Variants in SPTLC2 observed in about 807,000 individuals in gnomAD.
SPTLC2 encodes the protein serine palmitoyltransferase 2.
SPTLC2 carries 21 observed loss-of-function variants against 62.0 expected under a neutral mutation model. The ratio of observed to expected loss-of-function variants is 0.34; its 90% CI spans 0.24 to 0.49. The LOEUF (loss-of-function observed/expected upper bound fraction) is 0.49, where lower values mean the gene tolerates loss of function less well. Ranked by LOEUF, SPTLC2 falls within the 20% of genes least tolerant of loss-of-function variation. The pLI is 0.99. For missense variants in SPTLC2, 511 were observed against 713.0 expected, an observed-to-expected ratio of 0.72 and a Z score of 3.23; for synonymous variants, 261 against 261.8, an observed-to-expected ratio of 1.00 and a Z score of 0.03.
At chr14:77,547,160 C>T (rs949633425) in intron 9 of SPTLC2, among the ~76,000 whole-genome samples, 2 of 142,244 alleles carry the variant, frequency 1.4e-5, no homozygotes, top group East Asian at 2.1e-4. Flanking sequence ...CCATCGCACC[C>T]GGCGGAAACA....
intron 4 of SPTLC2, 79 bp downstream of exon 4, chr14:77,576,688 T>C: frequency 1.3e-6 from 2 of 1,583,632 alleles, no homozygotes; most frequent in South Asian, 2.2e-5. Context: ...TTTAATACTC[T>C]AGGTCAATAT....
chr14:77,538,723 A>G (rs571010525), intron 9 of SPTLC2, among the ~76,000 whole-genome samples: 1 of 152,224 alleles, frequency 6.6e-6, no homozygotes, highest in South Asian at 2.1e-4. Context: ...GGCATGCGTC[A>G]CCACATCTGG....
chr14:77,596,644 T>C (rs557315013), intron 2 of SPTLC2, among the ~76,000 whole-genome samples: 40 of 152,344 alleles, frequency 2.6e-4, no homozygotes, highest in African/African-American at 8.9e-4. Context: ...ACAAGAGTGT[T>C]GTTTACCGTA....
At chr14:77,611,977 C>A (rs2079940945) in intron 1 of SPTLC2, among the ~76,000 whole-genome samples, 1 of 152,094 alleles carries the variant, frequency 6.6e-6, no homozygotes, top group African/African-American at 2.4e-5. Context: ...GTCTTAAAGA[C>A]AAACTTAAGA....
chr14:77,523,395 T>C (rs1172734864), intron 9 of SPTLC2, among the ~76,000 whole-genome samples: 4 of 151,990 alleles, frequency 2.6e-5, no homozygotes, highest in African/African-American at 9.7e-5. Flanking sequence ...ACATCTGAGA[T>C]TGGAGTGGAG....
At chr14:77,598,658 G>A (rs546475179) in intron 1 of SPTLC2, among the ~76,000 whole-genome samples, 1 of 152,194 alleles carries the variant, frequency 6.6e-6, no homozygotes, top group Non-Finnish European at 1.5e-5. Flanking sequence ...CAGGCTGGGT[G>A]CAGTGGCGCA....
At chr14:77,600,104 TC>T (rs1429258417) in intron 1 of SPTLC2, among the ~76,000 whole-genome samples, 1 of 152,164 alleles carries the variant, frequency 6.6e-6, no homozygotes, top group Non-Finnish European at 1.5e-5. Context: ...TTTAAAGATA[TC>T]CGCCTTGATT....
intron 3 of SPTLC2, among the ~76,000 whole-genome samples, chr14:77,577,647 C>T (rs1231140035): frequency 6.6e-6 from 1 of 152,172 alleles, no homozygotes; most frequent in African/African-American, 2.4e-5. Context: ...CGCCTGTAAT[C>T]CCAGCACTTT....
chr14:77,589,050 A>G (rs2079800178), intron 2 of SPTLC2, among the ~76,000 whole-genome samples: 5 of 151,152 alleles, frequency 3.3e-5, no homozygotes, highest in Admixed American at 3.3e-4. Context: ...AAGAAAAGAA[A>G]AAGGGAAAAG....
chr14:77,544,165 C>T (rs548153115), intron 9 of SPTLC2, among the ~76,000 whole-genome samples: 1 of 152,214 alleles, frequency 6.6e-6, no homozygotes, highest in South Asian at 2.1e-4. Context: ...TACCACCACA[C>T]TTGGCTAATT....
intron 5 of SPTLC2, among the ~76,000 whole-genome samples, chr14:77,569,483 T>G (rs911428871): frequency 1.3e-5 from 2 of 152,004 alleles, no homozygotes; most frequent in African/African-American, 4.8e-5. Context: ...ACCACCTCAT[T>G]TTACAAAAGA....
chr14:77,525,906 T>A (rs1033657364), intron 9 of SPTLC2, among the ~76,000 whole-genome samples: 7 of 152,138 alleles, frequency 4.6e-5, no homozygotes, highest in Non-Finnish European at 1.0e-4. Flanking sequence ...AGAGACTCCA[T>A]CTCAAATAAA....
chr14:77,556,908 A>G (rs930984799), intron 7 of SPTLC2, 133 bp downstream of exon 7: 3 of 714,558 alleles, frequency 4.2e-6, no homozygotes, highest in African/African-American at 1.8e-5. Flanking sequence ...CTCTGTTTCC[A>G]GGTATTTTAG....
rs191492495 is a variant in SPTLC2 at position 77,533,534 on chromosome 14, G to A, written c.1304-11953C>T. ...TTTAAAAGGGGCGAAGCTGAGCAGG[G>A]AGTGTACACGCAAGCAGTTAGTTTC... On this transcript the variant is annotated intron_variant, in intron 9 of 11. Transcript: ENST00000216484. Among the ~76,000 whole-genome samples the A allele has an allele frequency of 5.5e-4, 83 of 152,236 alleles. 1 individual carries two copies. The highest frequency in any genetic ancestry group is 2.0e-3 in the African/African-American group (82 of 41,532).
At chr14:77,555,810 G>C (rs2079580354) in intron 7 of SPTLC2, among the ~76,000 whole-genome samples, 2 of 151,838 alleles carry the variant, frequency 1.3e-5, no homozygotes, top group South Asian at 2.1e-4. Flanking sequence ...GTAGAGATAG[G>C]GTTTCCTCAT....
At chr14:77,525,022 A>G (rs2079401836) in intron 9 of SPTLC2, among the ~76,000 whole-genome samples, 1 of 152,052 alleles carries the variant, frequency 6.6e-6, no homozygotes, top group Non-Finnish European at 1.5e-5. Flanking sequence ...CACAGAAATG[A>G]TAATGTTTGC....
Position 77,555,038 on chromosome 14 carries a change from T to G in SPTLC2, c.1176+262A>C, listed in dbSNP as rs114820869. On this transcript the variant is annotated intron_variant, in intron 8 of 11. Transcript: ENST00000216484. The stretch of plus-strand genomic sequence containing the variant: ...GGCGGGCAGGGAGCACCACTGTGTG[T>G]TCTTTCACACAAGAGGGTATTCTAT... 1.2e-3 allele frequency: 572 copies of G among 475,782 alleles called. 2 individuals carry two copies. Among genetic ancestry groups the G allele is most frequent in the African/African-American group, 1.0e-2 (508 of 51,016 alleles). 29.5% of individuals were successfully genotyped at this position (475,782 alleles called of 1,614,324 possible). A position where few individuals can be genotyped will look rare whatever the true frequency, so the allele number is the denominator to read the frequency against.
intron 1 of SPTLC2, among the ~76,000 whole-genome samples, chr14:77,597,905 C>G (rs1278501344): frequency 6.6e-6 from 1 of 151,674 alleles, no homozygotes; most frequent in African/African-American, 2.4e-5. Flanking sequence ...GGACGAATCA[C>G]CTGAGGTTGG....
At chr14:77,550,677 A>G (rs1357151235) in intron 9 of SPTLC2, among the ~76,000 whole-genome samples, 1 of 152,042 alleles carries the variant, frequency 6.6e-6, no homozygotes, top group Non-Finnish European at 1.5e-5. Context: ...CAAGGCAGGC[A>G]GACTGCTTGA....
Sources: allele counts gnomAD v4.1 joint callset (sites outside exome capture counted in the v4.1 genomes callset), GRCh38; gene constraint gnomAD v4.1.1; transcripts MANE v1.5; gene names NCBI Gene and HGNC (gene_info 2026-07-23, HGNC 2026-07-21).